Variants in POMT1 observed in about 807,000 individuals in gnomAD.
POMT1 encodes the protein protein O-mannosyl-transferase 1.
A neutral mutation model predicts 101.6 loss-of-function variants in POMT1; 85 were observed. The ratio of observed to expected loss-of-function variants is 0.84; its 90% CI spans 0.70 to 1.00. The LOEUF (loss-of-function observed/expected upper bound fraction) is 1.00. Ranked by LOEUF, POMT1 falls within the 50% of genes least tolerant of loss-of-function variation. POMT1 has a pLI of 0.00. For missense variants in POMT1, 857 were observed against 930.4 expected (o/e 0.92, Z 1.03); for synonymous variants, 371 against 383.0 (o/e 0.97, Z 0.37).
chr9:131,509,858 G>GT, intron 7 of POMT1, 45 bp from the exon 8 acceptor site: 2 of 1,614,200 alleles, frequency 1.2e-6, no homozygotes, highest in Non-Finnish European at 1.7e-6. Flanking sequence ...ATCTCCTTAT[G>GT]TTTTCCTGTC....
In POMT1 at chr9:131,519,063, A is replaced by G; in HGVS notation, c.1486+106A>G. The G allele has an allele frequency of 6.5e-7, 1 of 1,542,430 alleles. No homozygotes were observed. Among genetic ancestry groups the G allele is most frequent in the South Asian group, 1.1e-5 (1 of 87,044 alleles). ...TTTTGGTGGGAAGGGAACTGAGCAC[A>G]TTCTCCATGCTCGGTGGCAGGTCAT... On this transcript the variant is annotated intron_variant, in intron 15 of 19. Coordinates refer to ENST00000402686, the MANE Select transcript of POMT1 (RefSeq NM_001077365.2). This position sits in a 1 kb window ranked among gnomAD's most constrained non-coding sequence, Gnocchi z 4.3.
chr9:131,509,009 T>G lies in POMT1; in HGVS notation c.526T>G (p.Cys176Gly). 6.2e-7 allele frequency: 1 copy of G among 1,607,924 alleles called. No individual in the cohort carries two copies. ...AVLSYLKFFNCQKHSPFSLSW... is the reference protein window; with the variant it reads ...AVLSYLKFFNGQKHSPFSLSW... ...GTTGTCCTACCTGAAGTTCTTCAAC[T>G]GCCAAAAGCACAGGTATGGAAAATG... Residue 176 changes from cysteine to glycine, a missense_variant, in exon 6 of 20, where the codon TGC becomes GGC. Transcript: ENST00000402686.
intron 18 of POMT1, among the ~76,000 whole-genome samples, chr9:131,521,719 C>T (rs1280359452): frequency 6.6e-6 from 1 of 152,168 alleles, no homozygotes; most frequent in East Asian, 1.9e-4. Context: ...TGTTTGTCTC[C>T]CAAGAGACAA....
chr9:131,516,063 CA>C (rs1948445761), intron 13 of POMT1, among the ~76,000 whole-genome samples: 289 of 130,482 alleles, frequency 2.2e-3, no homozygotes, highest in African/African-American at 4.7e-3. Context: ...TCCTCTAACA[CA>C]GGACACTTCC....
At chr9:131,516,374 T>TTCCTCACACGG (rs1564370448) in intron 13 of POMT1, among the ~76,000 whole-genome samples, 4 of 23,788 alleles carry the variant, frequency 1.7e-4, no homozygotes, top group Non-Finnish European at 2.3e-4. Context: ...GCACTTCCTC[T>TTCCTCACACGG]AACAGAACAC....
At chr9:131,504,150 T>A (rs1945199454) in intron 1 of POMT1, 39 bp from the exon 2 acceptor site, 2 of 1,611,952 alleles carry the variant, frequency 1.2e-6, no homozygotes, top group Admixed American at 3.3e-5. Flanking sequence ...TAGCCTCTCG[T>A]GAGCCCTCAT....
Position 131,515,407 on chromosome 9 carries a change from C to G in POMT1, c.1176-19C>G, listed in dbSNP as rs778738696. Reference sequence around the variant, plus strand: ...AGGAGTTCAAGGAATTTTCTGAAATCTCGGTCTTGGTTTTCCAGGCATGAT... The same window carrying G: ...AGGAGTTCAAGGAATTTTCTGAAATGTCGGTCTTGGTTTTCCAGGCATGAT... On this transcript the variant is annotated intron_variant, in intron 12 of 19. Coordinates refer to ENST00000402686, the MANE Select transcript of POMT1 (RefSeq NM_001077365.2). The G allele has an allele frequency of 6.2e-7, 1 of 1,612,462 alleles. No homozygotes were observed. The highest frequency in any genetic ancestry group is 8.5e-7 in the Non-Finnish European group (1 of 1,178,452).
intron 11 of POMT1, among the ~76,000 whole-genome samples, chr9:131,512,462 G>T (rs1947328186): frequency 6.6e-6 from 1 of 152,116 alleles, no homozygotes. Context: ...AGCTAGAGGT[G>T]CCCCTTGCTC....
chr9:131,510,974 G>GATAA, intron 9 of POMT1: 2 of 261,010 alleles, frequency 7.7e-6, no homozygotes, highest in South Asian at 5.0e-5. Flanking sequence ...CCTGCCGACG[G>GATAA]CCAGTGCTGT....
chr9:131,522,968 G>T lies in POMT1; in HGVS notation c.2040G>T (p.Val680=). The change falls in exon 20 of 20, where the codon GTG becomes GTT. Residue 680 remains valine (V), a synonymous_variant. Transcript: ENST00000402686. The surrounding 1 kb of genome is among the most constrained non-coding windows in gnomAD (Gnocchi z 5.5). ...AGAGGAGCATCTTCAGCGCCCTGGT[G>T]GTGGCCTGGTACTCCTCCGCGTGCC... ...QLQRSIFSAL[V]VAWYSSACHV... The T allele has an allele frequency of 6.2e-7, 1 of 1,601,976 alleles. No individual in the cohort carries two copies. The highest frequency in any genetic ancestry group is 1.7e-5 in the Admixed American group (1 of 58,916).
chr9:131,504,755 ATGTGTGTGTGTGTGTGTG>A, intron 2 of POMT1, among the ~76,000 whole-genome samples: 1 of 148,912 alleles, frequency 6.7e-6, no homozygotes, highest in East Asian at 2.0e-4. Flanking sequence ...TAATGTGTGT[ATGTGTGTGTGTGTGTGTG>A]TGTGTGTGTG....
At chr9:131,516,364 GCACTTCCTCTAACAGAA>G (rs1423257030) in intron 13 of POMT1, among the ~76,000 whole-genome samples, 1,519 of 142,690 alleles carry the variant, frequency 0.011, 18 homozygotes, top group Middle Eastern at 0.013. Context: ...CTCACACGGA[GCACTTCCTCTAACAGAA>G]CACTTCCTCA....
intron 12 of POMT1, 66 bp from the exon 13 acceptor site, chr9:131,515,360 A>C: frequency 6.6e-7 from 1 of 1,511,076 alleles, no homozygotes. Flanking sequence ...CCTGCCTGAA[A>C]GATTTAGTAA....
chr9:131,510,010 T>A lies in POMT1; in HGVS notation c.699+14T>A, dbSNP rs370038491. ...ACTTTGTCCAATGTAGGTGCTGATGTCCAGTGCTGCATGAGGCCGGCCTGT... is the reference window on the plus strand; with the variant it reads ...ACTTTGTCCAATGTAGGTGCTGATGACCAGTGCTGCATGAGGCCGGCCTGT... On this transcript the variant is annotated intron_variant, in intron 8 of 19. Transcript: ENST00000402686. The A allele has an allele frequency of 1.9e-5, 31 of 1,614,100 alleles. No individual in the cohort carries two copies. The highest frequency in any genetic ancestry group is 2.6e-5 in the Non-Finnish European group (31 of 1,180,042).
At chr9:131,521,965 C>T in intron 18 of POMT1, 82 bp from the exon 19 acceptor site, 1 of 1,600,164 alleles carries the variant, frequency 6.2e-7, no homozygotes, top group Non-Finnish European at 8.5e-7. Context: ...AGTAAGAACC[C>T]TCTCTCTAAA....
chr9:131,504,269 G>A lies in POMT1; in HGVS notation c.51G>A (p.Leu17=), dbSNP rs1057454282. 1 of 1,614,196 alleles carries A rather than the reference G, an allele frequency of 6.2e-7. No individual in the cohort carries two copies. Among genetic ancestry groups the A allele is most frequent in the Non-Finnish European group, 8.5e-7 (1 of 1,180,034 alleles). The part of the protein sequence containing the change: ...RPVVVTADIN[L]SLVALTGMGL... ...TAGTGGTGACGGCTGACATCAACTT[G>A]AGCCTTGTGGCCCTGACTGGGATGG... Residue 17 remains leucine (L), a synonymous_variant, in exon 2 of 20, where the codon TTG becomes TTA. Coordinates refer to ENST00000402686, the MANE Select transcript of POMT1 (RefSeq NM_001077365.2).
chr9:131,521,243 C>T, intron 17 of POMT1, 103 bp from the exon 18 acceptor site: 1 of 1,543,668 alleles, frequency 6.5e-7, no homozygotes, highest in Non-Finnish European at 8.9e-7. Flanking sequence ...TTTTTTCACT[C>T]TGCTAAAGTA....
At chr9:131,521,595 G>C (rs565205649) in intron 18 of POMT1, 123 bp downstream of exon 18, 6 of 1,216,324 alleles carry the variant, frequency 4.9e-6, no homozygotes, top group Non-Finnish European at 7.1e-6. Context: ...CTCCCATAGT[G>C]CTAGGATTAC....
intron 2 of POMT1, among the ~76,000 whole-genome samples, chr9:131,505,660 A>T (rs1259966057): frequency 1.3e-5 from 2 of 151,614 alleles, no homozygotes; most frequent in African/African-American, 2.4e-5. Context: ...CCCTGATTGA[A>T]AACATGTTAT....
Sources: gnomAD v4.1 joint callset for allele counts (sites outside exome capture counted in the v4.1 genomes callset) on GRCh38, gnomAD v4.1.1 for gene constraint, Gnocchi (gnomAD v3.1) non-coding constraint, MANE v1.5 for transcripts, NCBI Gene and HGNC (gene_info 2026-07-23, HGNC 2026-07-21) for gene names.